The following WEE1 variants were observed in gnomAD, a reference collection of about 807,000 sequenced individuals.
WEE1 encodes the protein WEE1 G2 checkpoint kinase, also known as wee1-like protein kinase.
In WEE1, 16 loss-of-function variants were observed where a neutral mutation model predicts 68.8. The ratio of observed to expected loss-of-function variants is 0.23; its 90% CI spans 0.16 to 0.35. The LOEUF (loss-of-function observed/expected upper bound fraction) is 0.35. WEE1 is among the 10% of genes least tolerant of loss of function. The pLI is 1.00. For missense variants in WEE1, 651 were observed against 824.1 expected, an observed-to-expected ratio of 0.79 and a Z score of 2.57; for synonymous variants, 349 against 318.7, an observed-to-expected ratio of 1.09 and a Z score of -1.01.
In WEE1 at chr11:9,589,464, T is replaced by G; in HGVS notation, c.*862T>G. ...TACTTGATTGTATTATTAGTCTGTTTTTAAATGTTTTGCCCGGTTTTTCTC... is the reference window on the plus strand; with the variant it reads ...TACTTGATTGTATTATTAGTCTGTTGTTAAATGTTTTGCCCGGTTTTTCTC... On this transcript the variant is annotated 3_prime_UTR_variant, in exon 11 of 11. Transcript: ENST00000450114. 1 of 985,396 alleles carries G rather than the reference T, an allele frequency of 1.0e-6. No homozygotes were observed. Among genetic ancestry groups the G allele is most frequent in the Non-Finnish European group, 1.2e-6 (1 of 829,874 alleles). The allele number at this position is 985,396 out of a possible 1,614,324, so 61.0% of individuals were successfully genotyped here. A position where few individuals can be genotyped will look rare whatever the true frequency, so the allele number is the denominator to read the frequency against.
intron 6 of WEE1, among the ~76,000 whole-genome samples, chr11:9,582,916 G>A (rs762019269): frequency 1.7e-4 from 26 of 152,200 alleles, no homozygotes; most frequent in Non-Finnish European, 2.6e-4. Context: ...GGCAGTAAAT[G>A]TGAATTCTTA....
At chr11:9,575,699 G>C (rs941963788) in intron 1 of WEE1, 189 bp from the exon 2 acceptor site, 3 of 597,296 alleles carry the variant, frequency 5.0e-6, no homozygotes, top group Non-Finnish European at 8.7e-6. Flanking sequence ...TTCAAGAAAA[G>C]ATAGTTAATA....
intron 8 of WEE1, among the ~76,000 whole-genome samples, chr11:9,586,221 C>G (rs889544864): frequency 6.6e-6 from 1 of 152,064 alleles, no homozygotes; most frequent in Non-Finnish European, 1.5e-5. Context: ...GGCATTTACT[C>G]TTATCTATGT....
chr11:9,577,389 T>A, intron 5 of WEE1, 126 bp downstream of exon 5: 1 of 1,233,276 alleles, frequency 8.1e-7, no homozygotes, highest in Non-Finnish European at 1.1e-6. Context: ...ATCAGAGACC[T>A]AACATAAATT....
chr11:9,584,769 G>A (rs2134355055), intron 6 of WEE1, among the ~76,000 whole-genome samples: 1 of 152,296 alleles, frequency 6.6e-6, no homozygotes, highest in East Asian at 1.9e-4. Flanking sequence ...TAGGATCAGT[G>A]CTAGGCTGGA....
intron 5 of WEE1, chr11:9,577,993 T>C (rs1450208853): frequency 7.0e-6 from 3 of 428,344 alleles, no homozygotes; most frequent in Non-Finnish European, 1.4e-5. Context: ...CGTCTGTCAT[T>C]ATTATATACC....
chr11:9,576,134 A>G lies in WEE1; in HGVS notation c.782+41A>G. 1 of 1,611,912 alleles carries G rather than the reference A, an allele frequency of 6.2e-7. No individual in the cohort carries two copies. The highest frequency in any genetic ancestry group is 8.5e-7 in the Non-Finnish European group (1 of 1,178,380). ...AACAGTTTGGTTCTCCAAATAACCTAAGATTGGTTTGGTATACTTATCAAA... is the reference window on the plus strand; with the variant it reads ...AACAGTTTGGTTCTCCAAATAACCTGAGATTGGTTTGGTATACTTATCAAA... On this transcript the variant is annotated intron_variant, in intron 2 of 10. Transcript: ENST00000450114. This position sits in a 1 kb window ranked among gnomAD's most constrained non-coding sequence, Gnocchi z 4.3.
chr11:9,574,522 G>A lies in WEE1; in HGVS notation c.576+13G>A. On this transcript the variant is annotated intron_variant, in intron 1 of 10. Coordinates refer to ENST00000450114, the MANE Select transcript of WEE1 (RefSeq NM_003390.4). This position sits in a 1 kb window ranked among gnomAD's most constrained non-coding sequence, Gnocchi z 4.9. ...GCACACGCCCAAGGTGAGAGCGGCG[G>A]GCGCGGGCACCCGGCGGCCGGGGCC... 3 of 1,207,400 alleles carry A rather than the reference G, an allele frequency of 2.5e-6. No homozygotes were observed. Among genetic ancestry groups the A allele is most frequent in the Non-Finnish European group, 3.1e-6 (3 of 976,646 alleles). The allele number at this position is 1,207,400 out of a possible 1,614,324, so 74.8% of individuals were successfully genotyped here. A position where few individuals can be genotyped will look rare whatever the true frequency, so the allele number is the denominator to read the frequency against.
At chr11:9,575,167 A>G (rs1849551079) in intron 1 of WEE1, 2 of 985,442 alleles carry the variant, frequency 2.0e-6, no homozygotes, top group African/African-American at 3.5e-5. Flanking sequence ...TGCGGTGCCC[A>G]GAGTTTGGCC....
intron 5 of WEE1, chr11:9,578,945 C>T (rs967258755): frequency 1.3e-5 from 2 of 149,882 alleles, no homozygotes; most frequent in South Asian, 2.1e-4. Flanking sequence ...CTTGCTCTGT[C>T]GCCCAGGCTG....
chr11:9,573,799 C>T lies in WEE1; in HGVS notation c.-135C>T. 5.5e-6 allele frequency: 4 copies of T among 727,566 alleles called. No individual in the cohort carries two copies. The highest frequency in any genetic ancestry group is 5.3e-5 in the East Asian group (1 of 18,824). The allele number at this position is 727,566 out of a possible 1,614,324, so 45.1% of individuals were successfully genotyped here. A position where few individuals can be genotyped will look rare whatever the true frequency, so the allele number is the denominator to read the frequency against. The stretch of plus-strand genomic sequence containing the variant: ...GCCCGAGCGCCCCGGAGCCGCAGGC[C>T]GCCGCCGCGCAGAGACGCCGCGGCT... On this transcript the variant is annotated 5_prime_UTR_variant, in exon 1 of 11. Transcript: ENST00000450114.
chr11:9,583,800 CACATATATATATATATATAT>C (rs1215686184), intron 6 of WEE1, among the ~76,000 whole-genome samples: 901 of 17,922 alleles, frequency 0.05, 6 homozygotes, highest in Non-Finnish European at 0.081. Flanking sequence ...CACACACACA[CACATATATATATATATATAT>C]ATATATATAT....
chr11:9,583,174 G>A (rs1439669172), intron 6 of WEE1, among the ~76,000 whole-genome samples: 4 of 152,002 alleles, frequency 2.6e-5, no homozygotes, highest in Admixed American at 2.0e-4. Flanking sequence ...TTAGCCAGGT[G>A]TAGTGGTGCG....
At position 9,574,541 on chromosome 11, in the gene WEE1, C is replaced by T. The variant is rs1849542250; in HGVS notation, c.576+32C>T. 1 of 1,172,260 alleles carries T rather than the reference C, an allele frequency of 8.5e-7. No homozygotes were observed. The highest frequency in any genetic ancestry group is 1.0e-6 in the Non-Finnish European group (1 of 956,136). The allele number at this position is 1,172,260 out of a possible 1,614,324, so 72.6% of individuals were successfully genotyped here. A position where few individuals can be genotyped will look rare whatever the true frequency, so the allele number is the denominator to read the frequency against. Reference sequence around the variant, plus strand: ...GCGGCGGGCGCGGGCACCCGGCGGCCGGGGCCGCGGCGCCGGAGGGGCCAG... The same window carrying T: ...GCGGCGGGCGCGGGCACCCGGCGGCTGGGGCCGCGGCGCCGGAGGGGCCAG... On this transcript the variant is annotated intron_variant, in intron 1 of 10. Coordinates refer to ENST00000450114, the MANE Select transcript of WEE1 (RefSeq NM_003390.4). This position sits in a 1 kb window ranked among gnomAD's most constrained non-coding sequence, Gnocchi z 4.9.
In WEE1 at chr11:9,586,618, A is replaced by C. The variant is rs760933338; in HGVS notation, c.1640A>C (p.Lys547Thr). Residue 547 changes from lysine to threonine, a missense_variant and splice_region_variant, in exon 9 of 11, where the codon AAA (lysine) becomes ACA (threonine). Lys to Thr is a moderately conservative substitution (Grantham distance 78). Transcript: ENST00000450114. ...VLSQEFTELL[K>T]VMIHPDPERR... Reference sequence around the variant, plus strand: ...TCCCAAGAATTTACAGAGTTGCTAAAAGTGAGCATTTTATATATGAAGCCC... The same window carrying C: ...TCCCAAGAATTTACAGAGTTGCTAACAGTGAGCATTTTATATATGAAGCCC... The C allele has an allele frequency of 1.9e-6, 3 of 1,614,054 alleles. No homozygotes were observed. The Admixed American group carries it at 5.0e-5, about 27-fold the overall frequency.
At chr11:9,579,826 T>C (rs935421046) in intron 5 of WEE1, 1 of 152,238 alleles carries the variant, frequency 6.6e-6, no homozygotes, top group Non-Finnish European at 1.5e-5. Context: ...GTATAATTTA[T>C]TTTAAAAACA....
intron 5 of WEE1, chr11:9,577,688 C>T (rs372748354): frequency 9.2e-5 from 30 of 327,264 alleles, no homozygotes; most frequent in African/African-American, 6.1e-4. Flanking sequence ...CTCTGTTGAT[C>T]TAAATTCAGC....
Position 9,574,047 on chromosome 11 carries a change from AGAG to A in WEE1, c.128_130del (p.Glu43del), listed in dbSNP as rs760705497. 1.4e-4 allele frequency: 173 copies of A among 1,257,566 alleles called. No homozygotes were observed. The highest frequency in any genetic ancestry group is 9.4e-4 in the South Asian group (33 of 35,170). 77.9% of individuals were successfully genotyped at this position (1,257,566 alleles called of 1,614,324 possible). A position where few individuals can be genotyped will look rare whatever the true frequency, so the allele number is the denominator to read the frequency against. On this transcript the variant is annotated inframe_deletion, in exon 1 of 11. Coordinates refer to ENST00000450114, the MANE Select transcript of WEE1 (RefSeq NM_003390.4). The surrounding 1 kb of genome is among the most constrained non-coding windows in gnomAD (Gnocchi z 4.9). ...GCAGCGACTGTGAGGAGGAGGAAGA[AGAG>A]GAGGAGGAGGAGGGCAGCGGCCACA...
chr11:9,574,969 A>C lies in WEE1; in HGVS notation c.576+460A>C. The C allele has an allele frequency of 2.0e-6, 2 of 985,590 alleles. No homozygotes were observed. The highest frequency in any genetic ancestry group is 2.4e-6 in the Non-Finnish European group (2 of 830,106). 61.1% of individuals were successfully genotyped at this position (985,590 alleles called of 1,614,324 possible). A position where few individuals can be genotyped will look rare whatever the true frequency, so the allele number is the denominator to read the frequency against. ...AAAGAAAAATAATTGTCCCGCCCTG[A>C]TCGTGTCGTGTCGTGTGGCGTGGAT... On this transcript the variant is annotated intron_variant, in intron 1 of 10. Transcript: ENST00000450114. The surrounding 1 kb of genome is among the most constrained non-coding windows in gnomAD (Gnocchi z 4.9).
Sources: gnomAD v4.1 joint callset for allele counts (sites outside exome capture counted in the v4.1 genomes callset) on GRCh38, gnomAD v4.1.1 for gene constraint, Gnocchi (gnomAD v3.1) non-coding constraint, MANE v1.5 for transcripts, NCBI Gene and HGNC (gene_info 2026-07-23, HGNC 2026-07-21) for gene names.